The following TRAPPC9 variants were observed in gnomAD, a reference collection of about 807,000 sequenced individuals.
The protein encoded by TRAPPC9 is IKK2 binding protein.
A neutral mutation model predicts 124.0 loss-of-function variants in TRAPPC9; 83 were observed. That is an observed-to-expected ratio of 0.67 (90% confidence interval 0.56 to 0.80). The LOEUF is 0.80. TRAPPC9 is among the 30% of genes least tolerant of loss of function. The pLI, the probability that TRAPPC9 is intolerant of heterozygous loss-of-function variation, is 0.00. For synonymous variants in TRAPPC9, 638 were observed against 617.5 expected (o/e 1.03, Z -0.49); for missense variants, 1,302 against 1,508.3 (o/e 0.86, Z 2.27).
chr8:140,220,086 C>T (rs1051429698), intron 17 of TRAPPC9, among the ~76,000 whole-genome samples: 2 of 152,150 alleles, frequency 1.3e-5, no homozygotes, highest in Non-Finnish European at 2.9e-5. Flanking sequence ...AAAGCAGAGA[C>T]GTCACACACT....
intron 5 of TRAPPC9, among the ~76,000 whole-genome samples, chr8:140,426,287 C>T (rs1252399078): frequency 3.9e-5 from 6 of 152,184 alleles, no homozygotes. Flanking sequence ...CAAATCAGAG[C>T]AAAGTCGTGA....
chr8:139,797,142 A>G (rs1247320950), intron 21 of TRAPPC9, among the ~76,000 whole-genome samples: 1 of 151,326 alleles, frequency 6.6e-6, no homozygotes, highest in Non-Finnish European at 1.5e-5. Context: ...TATATTCTGG[A>G]TACCAGTCCC....
chr8:140,103,225 G>A (rs564192297), intron 17 of TRAPPC9, among the ~76,000 whole-genome samples: 2 of 152,128 alleles, frequency 1.3e-5, no homozygotes, highest in Admixed American at 1.3e-4. Context: ...AATTGTTTAC[G>A]AGCTTCCCTT....
chr8:140,270,623 A>T (rs187334528), intron 15 of TRAPPC9, among the ~76,000 whole-genome samples: 1 of 152,212 alleles, frequency 6.6e-6, no homozygotes, highest in Non-Finnish European at 1.5e-5. Context: ...GCAGCAAAGG[A>T]GACCCAGGAG....
chr8:140,059,394 A>G (rs1239222798), intron 17 of TRAPPC9, among the ~76,000 whole-genome samples: 5 of 152,230 alleles, frequency 3.3e-5, no homozygotes. Flanking sequence ...GCTATTCTGA[A>G]TAACGTTGCA....
At chr8:139,992,125 C>T (rs1259541945) in intron 18 of TRAPPC9, among the ~76,000 whole-genome samples, 1 of 152,148 alleles carries the variant, frequency 6.6e-6, no homozygotes, top group Admixed American at 6.5e-5. Context: ...CAGTCATACA[C>T]ATCAACTAAA....
At chr8:140,062,022 G>A (rs1434311922) in intron 17 of TRAPPC9, among the ~76,000 whole-genome samples, 1 of 152,178 alleles carries the variant, frequency 6.6e-6, no homozygotes, top group Non-Finnish European at 1.5e-5. Flanking sequence ...TCGCAGGTGT[G>A]CGCACACTCA....
chr8:140,353,623 C>A lies in TRAPPC9; in HGVS notation c.1495+6427G>T, dbSNP rs1418555543. Reference sequence around the variant, plus strand: ...TGTAAATTCATCCTGAAACGGCCAGCGCAAGGATGACCATCAGGCCGCGGG... The same window carrying A: ...TGTAAATTCATCCTGAAACGGCCAGAGCAAGGATGACCATCAGGCCGCGGG... On this transcript the variant is annotated intron_variant, in intron 9 of 22. Coordinates refer to ENST00000438773, the MANE Select transcript of TRAPPC9 (RefSeq NM_001160372.4). This position sits in a 1 kb window ranked among gnomAD's most constrained non-coding sequence, Gnocchi z 4.2. Among the ~76,000 whole-genome samples the A allele has an allele frequency of 6.6e-6, 1 of 152,208 alleles. No individual in the cohort carries two copies.
chr8:140,057,256 G>A (rs985369306), intron 17 of TRAPPC9, among the ~76,000 whole-genome samples: 3 of 152,216 alleles, frequency 2.0e-5, no homozygotes, highest in Admixed American at 6.5e-5. Context: ...AAAAGGTACA[G>A]CTGCTATGGA....
rs931079072 is a variant in TRAPPC9, at chr8:139,825,005, A to G, written c.3055+60874T>C. On this transcript the variant is annotated intron_variant, in intron 21 of 22. Coordinates refer to ENST00000438773, the MANE Select transcript of TRAPPC9 (RefSeq NM_001160372.4). This position sits in a 1 kb window ranked among gnomAD's most constrained non-coding sequence, Gnocchi z 4.6. ...CCCCTGCAGGGAGGTGGACGTGACC[A>G]GGGAAGCCCTTCTTCCCCCTCACAG... Among the ~76,000 whole-genome samples, 1 of 152,160 alleles carries G rather than the reference A, an allele frequency of 6.6e-6. No homozygotes were observed. The highest frequency in any genetic ancestry group is 1.5e-5 in the Non-Finnish European group (1 of 68,020).
intron 16 of TRAPPC9, among the ~76,000 whole-genome samples, chr8:140,250,739 T>A (rs957990339): frequency 6.6e-6 from 1 of 152,244 alleles, no homozygotes; most frequent in East Asian, 1.9e-4. Context: ...CCACATACTA[T>A]GTAAACAACC....
At chr8:139,913,427 T>A (rs1831884090) in intron 19 of TRAPPC9, among the ~76,000 whole-genome samples, 2 of 152,348 alleles carry the variant, frequency 1.3e-5, no homozygotes, top group South Asian at 4.1e-4. Flanking sequence ...CTAGCAAGCC[T>A]CGCTCAGAGC....
At chr8:140,420,875 C>T (rs1247247831) in intron 5 of TRAPPC9, among the ~76,000 whole-genome samples, 5 of 151,968 alleles carry the variant, frequency 3.3e-5, no homozygotes, top group African/African-American at 9.7e-5. Context: ...CCAATGAAAA[C>T]CCAACAAACA....
intron 21 of TRAPPC9, among the ~76,000 whole-genome samples, chr8:139,787,109 A>G (rs1054078519): frequency 6.6e-6 from 1 of 152,208 alleles, no homozygotes; most frequent in African/African-American, 2.4e-5. Flanking sequence ...AATCACTTCT[A>G]TTACTACCAG....
At chr8:139,778,471 C>G (rs1427560298) in intron 21 of TRAPPC9, among the ~76,000 whole-genome samples, 2 of 152,044 alleles carry the variant, frequency 1.3e-5, no homozygotes, top group African/African-American at 2.4e-5. Flanking sequence ...TAAAAACAAC[C>G]AATCAAAACA....
At chr8:139,989,780 A>G (rs1053060783) in intron 18 of TRAPPC9, among the ~76,000 whole-genome samples, 1 of 152,170 alleles carries the variant, frequency 6.6e-6, no homozygotes, top group African/African-American at 2.4e-5. Context: ...TACAAAGTGG[A>G]AAAGTCCAGC....
intron 9 of TRAPPC9, among the ~76,000 whole-genome samples, chr8:140,331,579 G>A (rs1387609768): frequency 1.3e-5 from 2 of 151,938 alleles, no homozygotes; most frequent in East Asian, 3.9e-4. Context: ...TCCAACAAGG[G>A]ACCAATGTCC....
chr8:140,359,637 G>C (rs1160842000), intron 9 of TRAPPC9, among the ~76,000 whole-genome samples: 1 of 152,176 alleles, frequency 6.6e-6, no homozygotes, highest in Non-Finnish European at 1.5e-5. Flanking sequence ...GTTGATTATA[G>C]CGGTGGCCAC....
chr8:139,750,855 G>C (rs1349504683), intron 21 of TRAPPC9, among the ~76,000 whole-genome samples: 1 of 152,128 alleles, frequency 6.6e-6, no homozygotes, highest in East Asian at 1.9e-4. Context: ...TTGTTTCCTG[G>C]AGCAGCAGCA....
Sources: gnomAD v4.1 joint callset for allele counts (sites outside exome capture counted in the v4.1 genomes callset) on GRCh38, gnomAD v4.1.1 for gene constraint, Gnocchi (gnomAD v3.1) non-coding constraint, MANE v1.5 for transcripts, NCBI Gene and HGNC (gene_info 2026-07-23, HGNC 2026-07-21) for gene names.